Variants in RBFOX3 observed in about 807,000 individuals in gnomAD.
RBFOX3 encodes the protein RNA binding fox-1 homolog 3, also known as RNA binding protein fox-1 homolog 3.
A neutral mutation model predicts 48.7 loss-of-function variants in RBFOX3; 17 were observed. The ratio of observed to expected loss-of-function variants is 0.35; its 90% CI spans 0.24 to 0.52. RBFOX3 has a LOEUF of 0.52. Ranked by LOEUF, RBFOX3 falls within the 20% of genes least tolerant of loss-of-function variation. The pLI, the probability that RBFOX3 is intolerant of heterozygous loss-of-function variation, is 0.94. For missense variants in RBFOX3, 382 were observed against 497.5 expected (o/e 0.77, Z 2.21); for synonymous variants, 212 against 209.5 (o/e 1.01, Z -0.10).
chr17:79,528,195 G>A, intron 1 of RBFOX3, among the ~76,000 whole-genome samples: 1 of 152,192 alleles, frequency 6.6e-6, no homozygotes, highest in South Asian at 2.1e-4. Flanking sequence ...AGGTATCTCT[G>A]AGGAGGATCT....
intron 4 of RBFOX3, among the ~76,000 whole-genome samples, chr17:79,233,342 G>C (rs1156882439): frequency 6.6e-6 from 1 of 152,128 alleles, no homozygotes; most frequent in African/African-American, 2.4e-5. Flanking sequence ...TGCTTGCCTT[G>C]GAAGAGGGGA....
At chr17:79,239,025 G>A (rs115216306) in intron 3 of RBFOX3, among the ~76,000 whole-genome samples, 7 of 152,196 alleles carry the variant, frequency 4.6e-5, no homozygotes, top group Non-Finnish European at 8.8e-5. Flanking sequence ...GCACCTCCCC[G>A]GAGGCTCTTG....
chr17:79,257,981 C>T (rs1416914842), intron 3 of RBFOX3, among the ~76,000 whole-genome samples: 1 of 152,050 alleles, frequency 6.6e-6, no homozygotes, highest in African/African-American at 2.4e-5. Flanking sequence ...GTCTCAAATC[C>T]TTCTTCTCTC....
chr17:79,145,925 G>A (rs1216834745), intron 4 of RBFOX3, among the ~76,000 whole-genome samples: 1 of 152,160 alleles, frequency 6.6e-6, no homozygotes, highest in Non-Finnish European at 1.5e-5. Context: ...GGGGCAGGGG[G>A]GTGGTTGGGG....
chr17:79,424,840 T>A (rs1311664748), intron 2 of RBFOX3, among the ~76,000 whole-genome samples: 2 of 151,838 alleles, frequency 1.3e-5, no homozygotes, highest in African/African-American at 2.4e-5. Flanking sequence ...CCATCTCTGC[T>A]CCTGGAAGGC....
chr17:79,579,257 C>T (rs1468403740), intron 1 of RBFOX3, among the ~76,000 whole-genome samples: 2 of 152,228 alleles, frequency 1.3e-5, no homozygotes, highest in Non-Finnish European at 2.9e-5. Flanking sequence ...ATGCATGCTG[C>T]GGTTGACACG....
intron 2 of RBFOX3, among the ~76,000 whole-genome samples, chr17:79,452,139 AG>A (rs1568275215): frequency 6.6e-6 from 1 of 152,336 alleles, no homozygotes; most frequent in East Asian, 1.9e-4. Context: ...GGCAGACGGA[AG>A]CATGGAGGTG....
intron 4 of RBFOX3, among the ~76,000 whole-genome samples, chr17:79,175,442 G>C (rs2050319132): frequency 6.6e-6 from 1 of 152,246 alleles, no homozygotes; most frequent in African/African-American, 2.4e-5. Context: ...CCCAAGGCTG[G>C]CATGGAGTCA....
intron 3 of RBFOX3, among the ~76,000 whole-genome samples, chr17:79,270,033 C>G (rs534879354): frequency 6.6e-6 from 1 of 152,052 alleles, no homozygotes; most frequent in South Asian, 2.1e-4. Context: ...GGCTTGACCT[C>G]TCCCCCTCTG....
intron 3 of RBFOX3, among the ~76,000 whole-genome samples, chr17:79,277,324 G>T (rs754792447): frequency 6.6e-6 from 1 of 151,212 alleles, no homozygotes; most frequent in African/African-American, 2.4e-5. Flanking sequence ...AGTGCTGCTC[G>T]ACTGGTACCT....
At chr17:79,096,541 GTGGGA>G (rs758985975) in intron 12 of RBFOX3, 107 bp downstream of exon 12, 86 of 942,478 alleles carry the variant, frequency 9.1e-5, no homozygotes, top group South Asian at 1.1e-4. Context: ...GGCTTCAAGG[GTGGGA>G]TGGGATGGGA....
the RBFOX3 span, among the ~76,000 whole-genome samples, chr17:79,621,800 G>A: frequency 1.4e-4 from 21 of 152,222 alleles, no homozygotes; most frequent in Non-Finnish European, 2.9e-4. Flanking sequence ...GGTGTACACA[G>A]GCTAACCCAG....
Position 79,391,557 on chromosome 17 carries a change from C to T in RBFOX3, c.-174-83733G>A, listed in dbSNP as rs150770044. ...GATTTTAATCTCACCCGAAACCAAC[C>T]TCACAGGTGCTGATTCACTTTTAGG... On this transcript the variant is annotated intron_variant, in intron 2 of 14. Coordinates refer to ENST00000693108, the MANE Select transcript of RBFOX3 (RefSeq NM_001350451.2). This position sits in a 1 kb window ranked among gnomAD's most constrained non-coding sequence, Gnocchi z 5.0. Among the ~76,000 whole-genome samples, 3 of 152,244 alleles carry T rather than the reference C, an allele frequency of 2.0e-5. No individual in the cohort carries two copies. The highest frequency in any genetic ancestry group is 4.8e-5 in the African/African-American group (2 of 41,464).
At chr17:79,393,139 G>A (rs190257368) in intron 2 of RBFOX3, among the ~76,000 whole-genome samples, 1 of 152,372 alleles carries the variant, frequency 6.6e-6, no homozygotes, top group Admixed American at 6.5e-5. Context: ...ATGAGCAAGA[G>A]ATAGAACATA....
chr17:79,614,280 G>T (rs1389550716), upstream of RBFOX3, among the ~76,000 whole-genome samples: 5 of 152,254 alleles, frequency 3.3e-5, no homozygotes, highest in Non-Finnish European at 5.9e-5. Flanking sequence ...TGCGGACAGA[G>T]GGGCGTCCTG....
At chr17:79,464,285 A>G (rs1164213487) in intron 2 of RBFOX3, among the ~76,000 whole-genome samples, 5 of 152,248 alleles carry the variant, frequency 3.3e-5, no homozygotes, top group Non-Finnish European at 7.3e-5. Context: ...GACAGAGAAA[A>G]TTCCCAGAAA....
rs746955774 is a variant in RBFOX3, at chr17:79,104,096, T to G, written c.391A>C (p.Ile131Leu). 1 of 1,551,236 alleles carries G rather than the reference T, an allele frequency of 6.4e-7. No individual in the cohort carries two copies. ...ACCTTGGAGCCCCGCTCGTTAAAAA[T>G]GATCTCCACGTCTAAAATTTTTCCG... ...QFGKILDVEI[I>L]FNERGSKGFG... is the part of the protein sequence containing the mutation. The change falls in exon 7 of 15, where the codon ATT becomes CTT. Residue 131 changes from isoleucine to leucine, a missense_variant. This residue lies in a region of RBFOX3 where 49 missense variants were observed against 110.7 expected (regional missense o/e 0.44). Transcript: ENST00000693108.
At chr17:79,611,191 C>CCGCCCTCCT (rs2093966032), upstream of RBFOX3, among the ~76,000 whole-genome samples, 1 of 126,410 alleles carries the variant, frequency 7.9e-6, no homozygotes, top group Non-Finnish European at 1.7e-5. Flanking sequence ...CCTTCTCTCT[C>CCGCCCTCCT]TCTCTCTCTC....
chr17:79,191,117 G>A (rs949107364), intron 4 of RBFOX3, among the ~76,000 whole-genome samples: 2 of 152,184 alleles, frequency 1.3e-5, no homozygotes, highest in African/African-American at 4.8e-5. Context: ...GGCAGCAAGG[G>A]TCCACCTCCA....
Sources: allele counts gnomAD v4.1 joint callset (sites outside exome capture counted in the v4.1 genomes callset), GRCh38; gene constraint gnomAD v4.1.1; regional missense constraint gnomAD v4.1.1; non-coding constraint Gnocchi (gnomAD v3.1); transcripts MANE v1.5; gene names NCBI Gene and HGNC (gene_info 2026-07-23, HGNC 2026-07-21).